Variants in BCLAF1 observed in about 807,000 individuals in gnomAD.
The protein encoded by BCLAF1 is BCL2 associated transcription factor 1.
BCLAF1 carries 10 observed loss-of-function variants against 99.5 expected under a neutral mutation model. The observed-to-expected ratio is 0.10, with a 90% CI of 0.06 to 0.17. BCLAF1 has a LOEUF of 0.17. Ranked by LOEUF, BCLAF1 falls within the 10% of genes least tolerant of loss-of-function variation. The pLI is 1.00. For synonymous variants in BCLAF1, 255 were observed against 370.9 expected (o/e 0.69, Z 3.59); for missense variants, 636 against 1,105.8 (o/e 0.58, Z 6.02).
rs759263486 is a variant in BCLAF1 at position 136,273,099 on chromosome 6, C to G, written c.1941G>C (p.Lys647Asn). ...KATEEHSTRQKSPEIHRRIDI... is the reference protein window; with the variant it reads ...KATEEHSTRQNSPEIHRRIDI... ...ATACATACCTGTGTATTTCAGGGCT[C>G]TTTTGCCGAGTACTATGTTCTTCAG... Residue 647 changes from lysine (K) to asparagine (N), a missense_variant, in exon 7 of 13, where the codon AAG becomes AAC. Lys to Asn is a moderately conservative substitution (Grantham distance 94, BLOSUM62 0). This residue lies in a region of BCLAF1 where 180 missense variants were observed against 270.0 expected (regional missense o/e 0.67). Coordinates refer to ENST00000531224, the MANE Select transcript of BCLAF1 (RefSeq NM_014739.3). The G allele has an allele frequency of 9.3e-6, 15 of 1,611,656 alleles. No homozygotes were observed. Among genetic ancestry groups the G allele is most frequent in the Non-Finnish European group, 1.3e-5 (15 of 1,178,396 alleles).
At position 136,278,428 on chromosome 6, in the gene BCLAF1, G is replaced by A. The variant is rs764503956; in HGVS notation, c.453C>T (p.Ser151=). The change falls in exon 4 of 13, where the codon AGC becomes AGT. Residue 151 remains serine (S), a synonymous_variant. Coordinates refer to ENST00000531224, the MANE Select transcript of BCLAF1 (RefSeq NM_014739.3). Reference sequence around the variant, plus strand: ...CTCGTCTTTTAGAAACAGGAGATTTGCTATATGGGGATGAAGAACGAGAAG... The same window carrying A: ...CTCGTCTTTTAGAAACAGGAGATTTACTATATGGGGATGAAGAACGAGAAG... ...SSSSRSSSPY[S]KSPVSKRRGS... 2.4e-5 allele frequency: 39 copies of A among 1,607,898 alleles called. No homozygotes were observed. In the Middle Eastern group the frequency reaches 1.3e-3, roughly 55 times the overall value.
intron 2 of BCLAF1, among the ~76,000 whole-genome samples, chr6:136,281,044 A>AT (rs1236429115): frequency 6.6e-6 from 1 of 152,176 alleles, no homozygotes; most frequent in African/African-American, 2.4e-5. Context: ...AGGTACTAAG[A>AT]TGAGTTCAGT....
In BCLAF1 at chr6:136,276,493, C is replaced by T. The variant is rs1783432245; in HGVS notation, c.1032G>A (p.Glu344=). The change falls in exon 5 of 13, where the codon GAG becomes GAA. Residue 344 remains glutamate, a synonymous_variant. Coordinates refer to ENST00000531224, the MANE Select transcript of BCLAF1 (RefSeq NM_014739.3). ...CCCTATCAAGCAGGAATACTCTAGA[C>T]TCTTCATCTGTGAACCTGCGAATAA... ...GKFLKRFTDE[E]SRVFLLDRGN... 1 of 1,577,894 alleles carries T rather than the reference C, an allele frequency of 6.3e-7. No individual in the cohort carries two copies. Among genetic ancestry groups the T allele is most frequent in the Non-Finnish European group, 8.6e-7 (1 of 1,167,504 alleles).
At chr6:136,282,888 G>GT (rs1784563831) in intron 1 of BCLAF1, among the ~76,000 whole-genome samples, 1 of 152,076 alleles carries the variant, frequency 6.6e-6, no homozygotes, top group Non-Finnish European at 1.5e-5. Flanking sequence ...ATGCAGTAGC[G>GT]TATCATGAAA....
chr6:136,269,646 G>A, intron 8 of BCLAF1, 34 bp from the exon 9 acceptor site: 2 of 1,502,990 alleles, frequency 1.3e-6, no homozygotes, highest in Non-Finnish European at 1.8e-6. Context: ...CAGATTTCAG[G>A]GGAGAAATAG....
intron 1 of BCLAF1, among the ~76,000 whole-genome samples, chr6:136,289,369 T>A (rs1385802058): frequency 6.6e-6 from 1 of 151,966 alleles, no homozygotes; most frequent in Non-Finnish European, 1.5e-5. Flanking sequence ...GAGCGTTCAG[T>A]CGGGCGCGCG....
intron 7 of BCLAF1, 64 bp from the exon 8 acceptor site, chr6:136,272,143 A>T (rs1782630123): frequency 8.9e-7 from 1 of 1,128,886 alleles, no homozygotes; most frequent in Non-Finnish European, 1.3e-6. Context: ...AAACATCCAC[A>T]CGATTATCCA....
rs576841268 is a variant in BCLAF1, at chr6:136,285,463, C to T, written c.-114-2776G>A. 3.3e-5 allele frequency among the ~76,000 whole-genome samples: 5 copies of T among 152,318 alleles called. No individual in the cohort carries two copies. The South Asian group carries it at 1.0e-3, about 32-fold the overall frequency. Reference sequence around the variant, plus strand: ...TGTAAATGGTTAATCCAAAATTTGACTGAAATCTCCTGACTCCAAATCCGG... The same window carrying T: ...TGTAAATGGTTAATCCAAAATTTGATTGAAATCTCCTGACTCCAAATCCGG... On this transcript the variant is annotated intron_variant, in intron 1 of 12. Coordinates refer to ENST00000531224, the MANE Select transcript of BCLAF1 (RefSeq NM_014739.3).
At chr6:136,283,430 C>G (rs1300162309) in intron 1 of BCLAF1, among the ~76,000 whole-genome samples, 1 of 152,096 alleles carries the variant, frequency 6.6e-6, no homozygotes, top group Non-Finnish European at 1.5e-5. Flanking sequence ...AGCAATGAAA[C>G]TTTTATCTAC....
At chr6:136,267,273 T>C in intron 10 of BCLAF1, 98 bp from the exon 11 acceptor site, 17 of 1,315,602 alleles carry the variant, frequency 1.3e-5, no homozygotes, top group Non-Finnish European at 1.8e-5. Context: ...ACATATGCCC[T>C]AATTTCCTAT....
At chr6:136,266,164 C>T (rs972666693) in intron 11 of BCLAF1, among the ~76,000 whole-genome samples, 3 of 151,910 alleles carry the variant, frequency 2.0e-5, no homozygotes, top group African/African-American at 7.3e-5. Flanking sequence ...ATAGCTATAA[C>T]CTCTAAGTAG....
intron 1 of BCLAF1, among the ~76,000 whole-genome samples, chr6:136,283,704 G>A (rs985820036): frequency 6.6e-6 from 1 of 152,050 alleles, no homozygotes; most frequent in African/African-American, 2.4e-5. Context: ...AAACGAGACT[G>A]GAAATACAAA....
At position 136,260,788 on chromosome 6, in the gene BCLAF1, T is replaced by C; in HGVS notation, c.*322A>G. The C allele has an allele frequency of 2.6e-6, 1 of 380,792 alleles. No individual in the cohort carries two copies. Among genetic ancestry groups the C allele is most frequent in the Non-Finnish European group, 4.7e-6 (1 of 214,518 alleles). The allele number at this position is 380,792 out of a possible 1,614,324, so 23.6% of individuals were successfully genotyped here. ...ATTGACAAACAGGGAAGGAAGAGAA[T>C]CAGAACTTTCACAGAGCTGTACTTG... On this transcript the variant is annotated 3_prime_UTR_variant, in exon 13 of 13. Coordinates refer to ENST00000531224, the MANE Select transcript of BCLAF1 (RefSeq NM_014739.3).
Position 136,257,942 on chromosome 6 carries a change from T to C in BCLAF1, c.*3168A>G, listed in dbSNP as rs1204474034. On this transcript the variant is annotated 3_prime_UTR_variant, in exon 13 of 13. Coordinates refer to ENST00000531224, the MANE Select transcript of BCLAF1 (RefSeq NM_014739.3). ...TACTTTTATATAAGAAATTTGTATATAACATTACAATTATCCAGTATAATT... is the reference window on the plus strand; with the variant it reads ...TACTTTTATATAAGAAATTTGTATACAACATTACAATTATCCAGTATAATT... The C allele has an allele frequency of 6.6e-6, 1 of 152,166 alleles. No individual in the cohort carries two copies. The highest frequency in any genetic ancestry group is 1.5e-5 in the Non-Finnish European group (1 of 67,972). The allele number at this position is 152,166 out of a possible 1,614,324, so 9.4% of individuals were successfully genotyped here. A position where few individuals can be genotyped will look rare whatever the true frequency, so the allele number is the denominator to read the frequency against.
In BCLAF1 at chr6:136,269,483, T is replaced by G. The variant is rs1260108445; in HGVS notation, c.2173A>C (p.Lys725Gln). The G allele has an allele frequency of 6.2e-7, 1 of 1,610,958 alleles. No individual in the cohort carries two copies. Among genetic ancestry groups the G allele is most frequent in the Non-Finnish European group, 8.5e-7 (1 of 1,178,628 alleles). ...TATTCCTTGTAATCTTTTGGAGTTTTTTCCTGCTTTCTTGATCCACTGGAT... is the reference window on the plus strand; with the variant it reads ...TATTCCTTGTAATCTTTTGGAGTTTGTTCCTGCTTTCTTGATCCACTGGAT... ...RESSGSRKQE[K>Q]TPKDYKEYKS... The change falls in exon 9 of 13, where the codon AAA (lysine) becomes CAA (glutamine). Residue 725 changes from lysine to glutamine, a missense_variant. This residue lies in a region of BCLAF1 where 180 missense variants were observed against 270.0 expected (regional missense o/e 0.67). Coordinates refer to ENST00000531224, the MANE Select transcript of BCLAF1 (RefSeq NM_014739.3).
intron 2 of BCLAF1, among the ~76,000 whole-genome samples, chr6:136,281,530 C>G (rs1460059000): frequency 6.6e-6 from 1 of 152,080 alleles, no homozygotes; most frequent in Admixed American, 6.6e-5. Flanking sequence ...TCATTCTGAT[C>G]GAATTTACTT....
intron 2 of BCLAF1, among the ~76,000 whole-genome samples, chr6:136,281,928 GC>G (rs1293381412): frequency 6.6e-6 from 1 of 152,158 alleles, no homozygotes; most frequent in Non-Finnish European, 1.5e-5. Context: ...TTAAAGGTTT[GC>G]GTTTTGCTTT....
Position 136,272,035 on chromosome 6 carries a change from A to G in BCLAF1, c.2003T>C (p.Leu668Ser). 6.2e-7 allele frequency: 1 copy of G among 1,606,314 alleles called. No individual in the cohort carries two copies. The highest frequency in any genetic ancestry group is 2.2e-5 in the East Asian group (1 of 44,540). ...SPSTLRKHTR[L>S]AGEERVFKEE... ...TTTAAAAACTCTCTCTTCCCCTGCTAAACGGGTATGCTTCCTCAGGGTACT... is the reference window on the plus strand; with the variant it reads ...TTTAAAAACTCTCTCTTCCCCTGCTGAACGGGTATGCTTCCTCAGGGTACT... The change falls in exon 8 of 13, where the codon TTA becomes TCA. Residue 668 changes from leucine to serine, a missense_variant. Leu to Ser is a moderately radical substitution (Grantham distance 145). This residue lies in a region of BCLAF1 where 180 missense variants were observed against 270.0 expected (regional missense o/e 0.67). Transcript: ENST00000531224.
chr6:136,289,443 A>G (rs540224708), intron 1 of BCLAF1, among the ~76,000 whole-genome samples: 177 of 152,066 alleles, frequency 1.2e-3, no homozygotes, highest in Non-Finnish European at 2.2e-3. Flanking sequence ...CGCGCACGGG[A>G]GGCCGCGCGG....
Sources: gnomAD v4.1 joint callset for allele counts (sites outside exome capture counted in the v4.1 genomes callset) on GRCh38, gnomAD v4.1.1 for gene constraint, gnomAD v4.1.1 regional missense constraint, MANE v1.5 for transcripts, NCBI Gene and HGNC (gene_info 2026-07-23, HGNC 2026-07-21) for gene names.